Variants in NCAM2 observed in about 807,000 individuals in gnomAD.
NCAM2 encodes neural cell adhesion molecule 2, also known as N-CAM-2.
A neutral mutation model predicts 98.1 loss-of-function variants in NCAM2; 30 were observed. The ratio of observed to expected loss-of-function variants is 0.31; its 90% CI spans 0.23 to 0.41. NCAM2 has a LOEUF of 0.41. Among genes scored for constraint, NCAM2 ranks in the 10% least tolerant of loss-of-function variants. The pLI is 1.00. For missense variants in NCAM2, 867 were observed against 1,005.8 expected, an observed-to-expected ratio of 0.86 and a Z score of 1.87; for synonymous variants, 368 against 342.4, an observed-to-expected ratio of 1.07 and a Z score of -0.83.
intron 1 of NCAM2, among the ~76,000 whole-genome samples, chr21:21,254,152 T>C (rs1189525917): frequency 6.6e-6 from 1 of 152,252 alleles, no homozygotes; most frequent in Non-Finnish European, 1.5e-5. Context: ...CTTATTTATA[T>C]TTTTGTCTCA....
intron 16 of NCAM2, among the ~76,000 whole-genome samples, chr21:21,513,701 A>G (rs1988533068): frequency 6.6e-6 from 1 of 152,112 alleles, no homozygotes; most frequent in Non-Finnish European, 1.5e-5. Flanking sequence ...TTAAATGTTT[A>G]TTAGGTCCAT....
chr21:21,418,881 G>T (rs1217498287), intron 11 of NCAM2, among the ~76,000 whole-genome samples: 1 of 152,114 alleles, frequency 6.6e-6, no homozygotes, highest in East Asian at 1.9e-4. Flanking sequence ...TATTTGGAAT[G>T]CTCCAAGCAC....
chr21:21,382,517 A>G (rs1386242711), intron 9 of NCAM2, among the ~76,000 whole-genome samples: 1 of 59,518 alleles, frequency 1.7e-5, no homozygotes, highest in South Asian at 4.9e-4. Flanking sequence ...TATTTCAGGG[A>G]TTTTTTTTTT....
chr21:21,338,906 A>C (rs998177449), intron 8 of NCAM2, among the ~76,000 whole-genome samples: 1 of 152,160 alleles, frequency 6.6e-6, no homozygotes, highest in African/African-American at 2.4e-5. Context: ...GCTAGGACAA[A>C]TAATATTGCC....
chr21:21,464,817 A>G (rs1983465368), intron 12 of NCAM2, among the ~76,000 whole-genome samples: 1 of 152,154 alleles, frequency 6.6e-6, no homozygotes, highest in African/African-American at 2.4e-5. Context: ...ACTACCAGTT[A>G]TCAAGTGGGT....
intron 15 of NCAM2, among the ~76,000 whole-genome samples, chr21:21,493,870 T>C (rs1329038626): frequency 6.6e-6 from 1 of 152,108 alleles, no homozygotes; most frequent in Non-Finnish European, 1.5e-5. Flanking sequence ...TTTCTACGTG[T>C]CTTTTTATAA....
At chr21:21,379,743 CAGTT>C (rs1218062364) in intron 9 of NCAM2, among the ~76,000 whole-genome samples, 7 of 151,820 alleles carry the variant, frequency 4.6e-5, no homozygotes. Flanking sequence ...GTTTTAATGT[CAGTT>C]AGATCAAGGT....
At chr21:21,530,369 T>C (rs1461839280) in intron 16 of NCAM2, among the ~76,000 whole-genome samples, 1 of 146,132 alleles carries the variant, frequency 6.8e-6, no homozygotes, top group Non-Finnish European at 1.5e-5. Flanking sequence ...TTTGATTACA[T>C]TAAATTATAT....
At chr21:21,006,373 G>A (rs2064113838) in intron 1 of NCAM2, among the ~76,000 whole-genome samples, 6 of 152,026 alleles carry the variant, frequency 3.9e-5, no homozygotes, top group Admixed American at 3.9e-4. Flanking sequence ...TGGGCGTGGT[G>A]GTGCATACCT....
intron 4 of NCAM2, among the ~76,000 whole-genome samples, chr21:21,287,329 A>T (rs539427454): frequency 2.0e-5 from 3 of 152,026 alleles, no homozygotes; most frequent in African/African-American, 7.2e-5. Context: ...AGAATGTATG[A>T]TAATCATGTT....
At position 21,043,779 on chromosome 21, in the gene NCAM2, G is replaced by A. The variant is rs547275772; in HGVS notation, c.55+45161G>A. Among the ~76,000 whole-genome samples the A allele has an allele frequency of 8.0e-5, 12 of 150,884 alleles. No individual in the cohort carries two copies. The South Asian group carries it at 2.1e-3, about 26-fold the overall frequency. On this transcript the variant is annotated intron_variant, in intron 1 of 17. Transcript: ENST00000400546. ...CGTGACAGGAGAGTGGCGTGAACCC[G>A]GGAGGCGGAGCTTACAGTGAGCCGA...
intron 1 of NCAM2, among the ~76,000 whole-genome samples, chr21:21,046,531 C>T (rs1376905883): frequency 7.9e-5 from 12 of 152,120 alleles, no homozygotes; most frequent in Non-Finnish European, 1.5e-5. Flanking sequence ...CAAATATGTC[C>T]TTTTCAACCA....
At chr21:21,282,327 A>G (rs2072958296) in intron 2 of NCAM2, among the ~76,000 whole-genome samples, 1 of 151,932 alleles carries the variant, frequency 6.6e-6, no homozygotes, top group Non-Finnish European at 1.5e-5. Flanking sequence ...TATGTATTGC[A>G]TAGCTCAAAT....
chr21:21,354,154 C>G (rs991165472), intron 8 of NCAM2, among the ~76,000 whole-genome samples: 8 of 152,088 alleles, frequency 5.3e-5, no homozygotes, highest in Non-Finnish European at 1.0e-4. Flanking sequence ...TCCCTTGTAT[C>G]ATTTATCATC....
intron 1 of NCAM2, among the ~76,000 whole-genome samples, chr21:21,092,878 T>G (rs983383955): frequency 6.6e-6 from 1 of 152,030 alleles, no homozygotes; most frequent in Non-Finnish European, 1.5e-5. Flanking sequence ...TAAGCAAAAT[T>G]TTATTAATAA....
At chr21:21,298,494 CAAGAA>C (rs994765848) in intron 5 of NCAM2, among the ~76,000 whole-genome samples, 18 of 151,380 alleles carry the variant, frequency 1.2e-4, no homozygotes, top group South Asian at 2.1e-4. Flanking sequence ...TCTGGGAACA[CAAGAA>C]AAGAAAAGTA....
intron 15 of NCAM2, among the ~76,000 whole-genome samples, chr21:21,505,216 C>A (rs1331391691): frequency 6.6e-6 from 1 of 151,864 alleles, no homozygotes; most frequent in African/African-American, 2.4e-5. Context: ...AAATAGGGCT[C>A]CTATATGGTT....
At chr21:21,094,814 A>G (rs1044479572) in intron 1 of NCAM2, among the ~76,000 whole-genome samples, 21 of 151,778 alleles carry the variant, frequency 1.4e-4, no homozygotes, top group Non-Finnish European at 2.5e-4. Context: ...ATTACCTATG[A>G]AGATTTAAGA....
At chr21:21,429,067 G>C (rs2077273772) in intron 11 of NCAM2, among the ~76,000 whole-genome samples, 1 of 152,120 alleles carries the variant, frequency 6.6e-6, no homozygotes, top group Admixed American at 6.5e-5. Context: ...TATTTAGAAA[G>C]AGAATGAAAG....
Sources: gnomAD v4.1 joint callset for allele counts (sites outside exome capture counted in the v4.1 genomes callset) on GRCh38, gnomAD v4.1.1 for gene constraint, MANE v1.5 for transcripts, NCBI Gene and HGNC (gene_info 2026-07-23, HGNC 2026-07-21) for gene names.